The following MTHFD1L variants were observed in gnomAD, a reference collection of about 807,000 sequenced individuals.
MTHFD1L encodes the protein monofunctional C1-tetrahydrofolate synthase, mitochondrial.
MTHFD1L carries 81 observed loss-of-function variants against 119.5 expected under a neutral mutation model. The observed-to-expected ratio is 0.68, with a 90% CI of 0.57 to 0.82. The LOEUF is 0.82. Ranked by LOEUF, MTHFD1L falls within the 40% of genes least tolerant of loss-of-function variation. The pLI is 0.00. For synonymous variants in MTHFD1L, 430 were observed against 475.2 expected (o/e 0.90, Z 1.24); for missense variants, 1,125 against 1,253.4 (o/e 0.90, Z 1.55).
At chr6:150,897,528 C>T (rs1784438018) in intron 7 of MTHFD1L, among the ~76,000 whole-genome samples, 2 of 152,192 alleles carry the variant, frequency 1.3e-5, no homozygotes. Flanking sequence ...AGCTTTAATG[C>T]ACTTCTTAGC....
At chr6:151,089,134 A>G (rs117121211) in intron 26 of MTHFD1L, among the ~76,000 whole-genome samples, 4,946 of 152,298 alleles carry the variant, frequency 0.032, 165 homozygotes, top group Admixed American at 0.11. Flanking sequence ...AGCAGCAGCC[A>G]TAGAGTCCAG....
chr6:150,970,987 C>T (rs76294874), intron 19 of MTHFD1L, among the ~76,000 whole-genome samples: 14,499 of 152,168 alleles, frequency 0.095, 858 homozygotes, highest in Non-Finnish European at 0.13. Context: ...TTGGCTGCTT[C>T]GTGCTCTCAA....
intron 26 of MTHFD1L, among the ~76,000 whole-genome samples, chr6:151,041,073 A>T (rs1384652986): frequency 6.6e-6 from 1 of 151,942 alleles, no homozygotes; most frequent in African/African-American, 2.4e-5. Flanking sequence ...AGTGAGCGTC[A>T]GTGCACAGTG....
chr6:150,902,483 A>G (rs1045925944), intron 7 of MTHFD1L, among the ~76,000 whole-genome samples: 6 of 152,238 alleles, frequency 3.9e-5, no homozygotes, highest in Non-Finnish European at 8.8e-5. Context: ...GGAGGAAAAT[A>G]GGAACAAGTG....
chr6:151,001,474 G>A (rs781292379), intron 20 of MTHFD1L, among the ~76,000 whole-genome samples: 10 of 152,160 alleles, frequency 6.6e-5, no homozygotes, highest in Admixed American at 1.3e-4. Flanking sequence ...GATCTAAAGC[G>A]GTTCTTGCCT....
chr6:151,084,354 G>A (rs1793513119), intron 26 of MTHFD1L, among the ~76,000 whole-genome samples: 1 of 152,174 alleles, frequency 6.6e-6, no homozygotes, highest in Non-Finnish European at 1.5e-5. Flanking sequence ...AGCCAAGCCT[G>A]GCACGCGTGT....
chr6:150,931,916 C>T (rs1169696051), intron 11 of MTHFD1L, among the ~76,000 whole-genome samples: 1 of 152,104 alleles, frequency 6.6e-6, no homozygotes, highest in African/African-American at 2.4e-5. Context: ...AATGCCAGCC[C>T]TTTGGGAGGC....
intron 20 of MTHFD1L, among the ~76,000 whole-genome samples, chr6:150,978,797 A>G (rs1777005649): frequency 6.6e-6 from 1 of 152,146 alleles, no homozygotes; most frequent in Non-Finnish European, 1.5e-5. Context: ...TAGCAAGATG[A>G]TGATACATGT....
chr6:150,998,422 G>A (rs1039623415), intron 20 of MTHFD1L, among the ~76,000 whole-genome samples: 1 of 151,782 alleles, frequency 6.6e-6, no homozygotes, highest in African/African-American at 2.4e-5. Context: ...TACATTAATG[G>A]TACCAAAAAA....
At chr6:150,932,807 A>AGGGAAG (rs926235734) in intron 11 of MTHFD1L, among the ~76,000 whole-genome samples, 5 of 135,280 alleles carry the variant, frequency 3.7e-5, no homozygotes, top group Non-Finnish European at 6.3e-5. Flanking sequence ...AGGGAGGAAG[A>AGGGAAG]GAGGGAGGGA....
At chr6:150,960,459 C>T (rs544923345) in intron 18 of MTHFD1L, 44 bp downstream of exon 18, 2 of 1,554,568 alleles carry the variant, frequency 1.3e-6, no homozygotes, top group Admixed American at 2.0e-5. Flanking sequence ...GGACGGTCCT[C>T]GTTCTTCGTT....
At chr6:151,090,914 G>A (rs1396179774) in intron 26 of MTHFD1L, among the ~76,000 whole-genome samples, 3 of 140,092 alleles carry the variant, frequency 2.1e-5, no homozygotes, top group Non-Finnish European at 3.1e-5. Flanking sequence ...ACTGGGTGCA[G>A]CATCGTTCCA....
chr6:151,074,272 G>C (rs6918690), intron 26 of MTHFD1L, among the ~76,000 whole-genome samples: 113,195 of 152,124 alleles, frequency 0.74, 43,765 homozygotes, highest in East Asian at 0.91. Flanking sequence ...ATACCAGTTG[G>C]AAACCTGAAT....
intron 1 of MTHFD1L, among the ~76,000 whole-genome samples, chr6:150,867,794 C>CTTTTTTTTT (rs35396368): frequency 1.0e-4 from 12 of 115,926 alleles, no homozygotes; most frequent in African/African-American, 3.7e-4. Context: ...CATACATATT[C>CTTTTTTTTT]TTTTTTTTTT....
At chr6:150,998,215 A>G (rs113528063) in intron 20 of MTHFD1L, among the ~76,000 whole-genome samples, 1 of 151,916 alleles carries the variant, frequency 6.6e-6, no homozygotes, top group African/African-American at 2.4e-5. Context: ...AACTACTGGG[A>G]CTCTATCTTG....
rs555765284 is a variant in MTHFD1L, at chr6:150,971,461, A to G, written c.2014-486A>G. On this transcript the variant is annotated intron_variant, in intron 19 of 27. Transcript: ENST00000367321. ...CGATCCGCCCATCTTGGCCTCCCAA[A>G]GTACGGGGATTACAGGCGTGAGTCA... Among the ~76,000 whole-genome samples, 3 of 152,352 alleles carry G rather than the reference A, an allele frequency of 2.0e-5. 1 individual carries two copies. The East Asian group carries it at 5.8e-4, about 29-fold the overall frequency.
intron 1 of MTHFD1L, among the ~76,000 whole-genome samples, chr6:150,869,233 T>C (rs1168728754): frequency 6.6e-6 from 1 of 152,172 alleles, no homozygotes; most frequent in East Asian, 1.9e-4. Flanking sequence ...TAGGTATACA[T>C]GCGCCATGGT....
At chr6:150,884,676 C>G (rs1018264360) in intron 5 of MTHFD1L, among the ~76,000 whole-genome samples, 1 of 152,062 alleles carries the variant, frequency 6.6e-6, no homozygotes, top group African/African-American at 2.4e-5. Context: ...GGAGAAATTA[C>G]GAAAATGGTT....
chr6:150,877,723 T>C lies in MTHFD1L; in HGVS notation c.363+39T>C, dbSNP rs1780678992. On this transcript the variant is annotated intron_variant, in intron 3 of 27. Coordinates refer to ENST00000367321, the MANE Select transcript of MTHFD1L (RefSeq NM_015440.5). ...CTTTTAAAAAATTCACTATAACTTT[T>C]AACAATACATTCTCTTATAGTGACG... 1.9e-6 allele frequency: 3 copies of C among 1,614,080 alleles called. No homozygotes were observed. In the South Asian group the frequency reaches 3.3e-5, roughly 18 times the overall value.
Sources: gnomAD v4.1 joint callset for allele counts (sites outside exome capture counted in the v4.1 genomes callset) on GRCh38, gnomAD v4.1.1 for gene constraint, MANE v1.5 for transcripts, NCBI Gene and HGNC (gene_info 2026-07-23, HGNC 2026-07-21) for gene names.